WWOX: variants seen among roughly 807,000 people sequenced by gnomAD.
WWOX encodes WW domain containing oxidoreductase.
Under a neutral mutation model 46.2 loss-of-function variants are expected in WWOX, and 69 were observed. The ratio of observed to expected loss-of-function variants is 1.49; its 90% CI spans 1.23 to 1.82. WWOX has a LOEUF of 1.82. WWOX is among the 40% of genes most tolerant of loss of function. The pLI is 0.00. For missense variants in WWOX, 919 were observed against 542.6 expected (o/e 1.69, Z -6.89); for synonymous variants, 359 against 202.6 (o/e 1.77, Z -6.56).
At chr16:78,634,837 A>AGAGAGAGAGAGAGAGT (rs1346762709) in intron 8 of WWOX, among the ~76,000 whole-genome samples, 5 of 111,786 alleles carry the variant, frequency 4.5e-5, no homozygotes, top group Non-Finnish European at 7.6e-5. Context: ...AGAGAGAGAG[A>AGAGAGAGAGAGAGAGT]GTGTGTGTGT....
At chr16:78,101,136 C>T (rs1260402237) in intron 1 of WWOX, among the ~76,000 whole-genome samples, 19 of 149,460 alleles carry the variant, frequency 1.3e-4, no homozygotes, top group Non-Finnish European at 2.2e-4. Flanking sequence ...CAGCCTCCGC[C>T]TCCCGGGTTC....
intron 8 of WWOX, among the ~76,000 whole-genome samples, chr16:78,857,707 C>A (rs1412360503): frequency 6.6e-6 from 1 of 152,140 alleles, no homozygotes; most frequent in African/African-American, 2.4e-5. Context: ...GAGGCCTTTT[C>A]CCTAGTAGTA....
At chr16:78,239,371 C>T (rs1322765091) in intron 5 of WWOX, among the ~76,000 whole-genome samples, 1 of 152,074 alleles carries the variant, frequency 6.6e-6, no homozygotes, top group Non-Finnish European at 1.5e-5. Flanking sequence ...AAGGAAGAGC[C>T]TCATTCATGC....
intron 5 of WWOX, among the ~76,000 whole-genome samples, chr16:78,357,599 C>A (rs1296286797): frequency 6.6e-6 from 1 of 152,100 alleles, no homozygotes; most frequent in Non-Finnish European, 1.5e-5. Context: ...CTATTCTATG[C>A]TAAACATTTC....
At chr16:78,169,152 A>C (rs8048277) in intron 5 of WWOX, among the ~76,000 whole-genome samples, 2,603 of 152,268 alleles carry the variant, frequency 0.017, 84 homozygotes, top group African/African-American at 0.06. Context: ...TCCTTATGTG[A>C]ATTATACACT....
At chr16:78,376,387 A>C (rs1801699015) in intron 5 of WWOX, among the ~76,000 whole-genome samples, 1 of 152,164 alleles carries the variant, frequency 6.6e-6, no homozygotes, top group Admixed American at 6.5e-5. Context: ...TAGAAAATAT[A>C]CTCTGGAAGG....
At chr16:78,944,010 A>G (rs2045902103) in intron 8 of WWOX, among the ~76,000 whole-genome samples, 1 of 152,220 alleles carries the variant, frequency 6.6e-6, no homozygotes, top group Non-Finnish European at 1.5e-5. Flanking sequence ...CATCAAGGAA[A>G]GGACGTTTGA....
At chr16:78,429,438 A>T (rs1028242422) in intron 7 of WWOX, among the ~76,000 whole-genome samples, 1 of 152,188 alleles carries the variant, frequency 6.6e-6, no homozygotes, top group Non-Finnish European at 1.5e-5. Flanking sequence ...CCAGCTGTGG[A>T]AGAGTTCATT....
chr16:79,028,832 C>A (rs144073560), intron 8 of WWOX, among the ~76,000 whole-genome samples: 2 of 151,474 alleles, frequency 1.3e-5, no homozygotes, highest in East Asian at 1.9e-4. Context: ...ATCTTCAAAC[C>A]AACCTATATC....
intron 8 of WWOX, among the ~76,000 whole-genome samples, chr16:78,804,526 G>T (rs1252432444): frequency 6.6e-6 from 1 of 152,204 alleles, no homozygotes; most frequent in Non-Finnish European, 1.5e-5. Context: ...TGTTCTGCGT[G>T]TGGCTCTCAT....
chr16:78,597,392 T>G (rs2045516678), intron 8 of WWOX, among the ~76,000 whole-genome samples: 1 of 152,218 alleles, frequency 6.6e-6, no homozygotes, highest in Non-Finnish European at 1.5e-5. Context: ...CTTTACCCAT[T>G]GCCATCATTT....
intron 8 of WWOX, among the ~76,000 whole-genome samples, chr16:78,926,532 T>A (rs1188242603): frequency 3.3e-5 from 5 of 152,326 alleles, no homozygotes; most frequent in Non-Finnish European, 5.9e-5. Context: ...CGCAGCCATT[T>A]AAAAACTTGT....
intron 8 of WWOX, among the ~76,000 whole-genome samples, chr16:78,517,126 G>C (rs1017593278): frequency 1.3e-5 from 2 of 152,130 alleles, no homozygotes; most frequent in African/African-American, 4.8e-5. Context: ...CAAATATGAA[G>C]CAGGTATCTG....
intron 8 of WWOX, among the ~76,000 whole-genome samples, chr16:79,065,841 G>T (rs530527745): frequency 6.9e-6 from 1 of 145,934 alleles, no homozygotes; most frequent in African/African-American, 2.7e-5. Context: ...GAAGCAAGAT[G>T]GAGTCAGCTA....
At chr16:78,990,708 G>T (rs1011325906) in intron 8 of WWOX, among the ~76,000 whole-genome samples, 4 of 151,546 alleles carry the variant, frequency 2.6e-5, no homozygotes, top group Admixed American at 6.6e-5. Flanking sequence ...GAAGGAAGAA[G>T]GAAGGAGGAA....
chr16:78,358,290 C>T (rs189792627), intron 5 of WWOX, among the ~76,000 whole-genome samples: 2 of 152,166 alleles, frequency 1.3e-5, no homozygotes, highest in Non-Finnish European at 1.5e-5. Flanking sequence ...CAAAACGTAT[C>T]TATTTGATTA....
At chr16:78,616,843 T>G (rs1014916844) in intron 8 of WWOX, among the ~76,000 whole-genome samples, 1 of 152,030 alleles carries the variant, frequency 6.6e-6, no homozygotes, top group Non-Finnish European at 1.5e-5. Flanking sequence ...CATAATTACC[T>G]CCCAAAGTCC....
At chr16:79,198,163 A>G (rs1308508961) in intron 8 of WWOX, among the ~76,000 whole-genome samples, 4 of 131,872 alleles carry the variant, frequency 3.0e-5, no homozygotes, top group Admixed American at 7.2e-5. Flanking sequence ...CGTCTCTACT[A>G]AAAAAAAAAA....
intron 5 of WWOX, among the ~76,000 whole-genome samples, chr16:78,176,069 C>T (rs1213529720): frequency 3.3e-5 from 5 of 152,176 alleles, no homozygotes; most frequent in Non-Finnish European, 7.3e-5. Flanking sequence ...CATCCCATTT[C>T]TGCACACCTC....
Sources: allele counts gnomAD v4.1 joint callset (sites outside exome capture counted in the v4.1 genomes callset), GRCh38; gene constraint gnomAD v4.1.1; transcripts MANE v1.5; gene names NCBI Gene and HGNC (gene_info 2026-07-23, HGNC 2026-07-21).